The following SLC38A1 variants were observed in gnomAD, a reference collection of about 807,000 sequenced individuals.
SLC38A1 encodes solute carrier family 38 member 1.
SLC38A1 carries 18 observed loss-of-function variants against 60.3 expected under a neutral mutation model. That is an observed-to-expected ratio of 0.30 (90% CI 0.21 to 0.44). The LOEUF is 0.44. SLC38A1 is among the 20% of genes least tolerant of loss of function. The probability of loss-of-function intolerance (pLI) is 1.00; values close to 1 mark genes in which losing one functional copy is unlikely to be tolerated. For missense variants in SLC38A1, 448 were observed against 587.2 expected (o/e 0.76, Z 2.45); for synonymous variants, 196 against 212.1 (o/e 0.92, Z 0.66).
intron 5 of SLC38A1, among the ~76,000 whole-genome samples, chr12:46,215,145 G>T (rs957066005): frequency 2.0e-5 from 3 of 152,182 alleles, no homozygotes; most frequent in African/African-American, 7.2e-5. Flanking sequence ...AAAGCCCTAA[G>T]CTCTGGCCTT....
chr12:46,215,976 A>T (rs926607164), intron 5 of SLC38A1, among the ~76,000 whole-genome samples: 8 of 152,190 alleles, frequency 5.3e-5, no homozygotes, highest in Admixed American at 4.6e-4. Flanking sequence ...AGTATTTACA[A>T]GAAAAATTTA....
At chr12:46,240,174 C>A (rs1285621008) in intron 2 of SLC38A1, among the ~76,000 whole-genome samples, 1 of 152,044 alleles carries the variant, frequency 6.6e-6, no homozygotes, top group African/African-American at 2.4e-5. Flanking sequence ...GTAACAGAGA[C>A]CCCCTTTTAT....
chr12:46,266,169 A>T (rs1942345011), intron 1 of SLC38A1, among the ~76,000 whole-genome samples: 1 of 152,198 alleles, frequency 6.6e-6, no homozygotes, highest in African/African-American at 2.4e-5. Flanking sequence ...TCGATCCAAC[A>T]AGTATTTATT....
chr12:46,247,141 T>C (rs1271992100), intron 1 of SLC38A1, among the ~76,000 whole-genome samples: 1 of 152,172 alleles, frequency 6.6e-6, no homozygotes, highest in Non-Finnish European at 1.5e-5. Flanking sequence ...AAAGGATGGC[T>C]ACTCCTCGCC....
In SLC38A1 at chr12:46,209,862, A is replaced by T. The variant is rs115510542; in HGVS notation, c.315-735T>A. ...AAGTGCAGTTAAAATGATGTGGGAG[A>T]TTATATAGATGATTTCTGAAACATT... On this transcript the variant is annotated intron_variant, in intron 5 of 16. Transcript: ENST00000398637. Among the ~76,000 whole-genome samples, 967 of 152,244 alleles carry T rather than the reference A, an allele frequency of 6.4e-3. 7 individuals carry two copies. The highest frequency in any genetic ancestry group is 0.022 in the African/African-American group (906 of 41,516).
At chr12:46,196,261 G>A (rs2136941029) in intron 16 of SLC38A1, 2 of 1,536,022 alleles carry the variant, frequency 1.3e-6, no homozygotes, top group South Asian at 2.4e-5. Context: ...ACTGGAAACT[G>A]GAGGAAGAGA....
At chr12:46,263,436 T>C (rs1942259691) in intron 1 of SLC38A1, among the ~76,000 whole-genome samples, 1 of 152,202 alleles carries the variant, frequency 6.6e-6, no homozygotes, top group Non-Finnish European at 1.5e-5. Flanking sequence ...AGTGAAATTC[T>C]GATATTTAAG....
intron 3 of SLC38A1, among the ~76,000 whole-genome samples, chr12:46,232,768 G>A (rs1941123527): frequency 6.6e-6 from 1 of 152,198 alleles, no homozygotes; most frequent in African/African-American, 2.4e-5. Context: ...ACATAAAATA[G>A]TTATAGAATT....
At chr12:46,266,520 A>G (rs1440085295) in intron 1 of SLC38A1, among the ~76,000 whole-genome samples, 1 of 151,696 alleles carries the variant, frequency 6.6e-6, no homozygotes, top group Non-Finnish European at 1.5e-5. Context: ...CCTTTTCATC[A>G]TTCGGGTCTG....
chr12:46,193,418 G>A (rs766866781), intron 16 of SLC38A1, among the ~76,000 whole-genome samples: 2 of 152,202 alleles, frequency 1.3e-5, no homozygotes, highest in Admixed American at 1.3e-4. Context: ...TTGATTTGTG[G>A]TGAAGAGTTC....
In SLC38A1 at chr12:46,187,647, T is replaced by C. The variant is rs1644562530; in HGVS notation, c.*1323A>G. 2 of 152,168 alleles carry C rather than the reference T, an allele frequency of 1.3e-5. No individual in the cohort carries two copies. The highest frequency in any genetic ancestry group is 4.1e-4 in the South Asian group (2 of 4,824). 9.4% of individuals were successfully genotyped at this position (152,168 alleles called of 1,614,324 possible). Reference sequence around the variant, plus strand: ...CTGCATGGACAGTTGAGACGGGCAGTAATGGCACAGTCCTTGGTTGGGGAA... The same window carrying C: ...CTGCATGGACAGTTGAGACGGGCAGCAATGGCACAGTCCTTGGTTGGGGAA... On this transcript the variant is annotated 3_prime_UTR_variant, in exon 17 of 17. Transcript: ENST00000398637.
At chr12:46,214,235 G>C (rs534086229) in intron 5 of SLC38A1, among the ~76,000 whole-genome samples, 1 of 152,206 alleles carries the variant, frequency 6.6e-6, no homozygotes, top group South Asian at 2.1e-4. Context: ...TTTTTAAACA[G>C]ATTCCTGAGA....
chr12:46,230,458 C>T (rs1236500631), intron 3 of SLC38A1, among the ~76,000 whole-genome samples: 3 of 152,180 alleles, frequency 2.0e-5, no homozygotes, highest in Non-Finnish European at 4.4e-5. Context: ...CTAGTTTCCT[C>T]ATCTGGGAAA....
At chr12:46,240,043 G>C (rs770094004) in intron 2 of SLC38A1, 150 bp from the exon 3 acceptor site, 52 of 466,916 alleles carry the variant, frequency 1.1e-4, no homozygotes, top group Non-Finnish European at 1.8e-4. Context: ...TGTCTATCAA[G>C]TTATGGAGGT....
At position 46,239,784 on chromosome 12, in the gene SLC38A1, C is replaced by T; in HGVS notation, c.17G>A (p.Ser6Asn). Residue 6 changes from serine (S) to asparagine (N), a missense_variant, in exon 3 of 17, where the codon AGT becomes AAT. Coordinates refer to ENST00000398637, the MANE Select transcript of SLC38A1 (RefSeq NM_030674.4). MMHFK[S>N]GLELTELQNM... ...TTGCAACTCAGTTAATTCGAGTCCA[C>T]TTTTGAAATGCATCATGATTAGAAA... 1 of 1,613,012 alleles carries T rather than the reference C, an allele frequency of 6.2e-7. No homozygotes were observed. Among genetic ancestry groups the T allele is most frequent in the Non-Finnish European group, 8.5e-7 (1 of 1,179,976 alleles).
At chr12:46,198,582 G>A (rs371904342) in intron 14 of SLC38A1, 43 bp downstream of exon 14, 134 of 1,372,344 alleles carry the variant, frequency 9.8e-5, no homozygotes, top group East Asian at 1.4e-4. Context: ...AAGGAAAGCC[G>A]AGACCTCAGC....
chr12:46,247,929 G>C (rs549621337), intron 1 of SLC38A1, among the ~76,000 whole-genome samples: 19 of 152,228 alleles, frequency 1.2e-4, no homozygotes, highest in African/African-American at 3.4e-4. Context: ...CATATCCAGC[G>C]AAACTAAGCT....
chr12:46,209,825 C>A (rs556479871), intron 5 of SLC38A1, among the ~76,000 whole-genome samples: 25 of 152,106 alleles, frequency 1.6e-4, no homozygotes, highest in African/African-American at 5.8e-4. Flanking sequence ...TTATCACACC[C>A]TTCTCAAGAA....
chr12:46,192,864 T>C (rs1939202161), intron 16 of SLC38A1, among the ~76,000 whole-genome samples: 1 of 152,190 alleles, frequency 6.6e-6, no homozygotes, highest in Non-Finnish European at 1.5e-5. Context: ...TCAATTTTGT[T>C]GATCCTTTCA....
Sources: gnomAD v4.1 joint callset for allele counts (sites outside exome capture counted in the v4.1 genomes callset) on GRCh38, gnomAD v4.1.1 for gene constraint, MANE v1.5 for transcripts, NCBI Gene and HGNC (gene_info 2026-07-23, HGNC 2026-07-21) for gene names.